LYSMD4: variants seen among roughly 807,000 people sequenced by gnomAD.
LYSMD4 encodes the protein lysM and putative peptidoglycan-binding domain-containing protein 4.
A neutral mutation model predicts 6.1 loss-of-function variants in LYSMD4; 9 were observed. That is an observed-to-expected ratio of 1.47 (90% CI 0.88 to 2.56). The LOEUF is 2.56. Among genes scored for constraint, LYSMD4 ranks in the 30% most tolerant of loss-of-function variants. The probability of loss-of-function intolerance (pLI) is 0.00; values close to 1 mark genes in which losing one functional copy is unlikely to be tolerated. For missense variants in LYSMD4, 384 were observed against 373.5 expected (o/e 1.03, Z -0.23); for synonymous variants, 143 against 148.5 (o/e 0.96, Z 0.27).
At chr15:99,724,162 C>T (rs2059259330), downstream of LYSMD4, among the ~76,000 whole-genome samples, 1 of 151,098 alleles carries the variant, frequency 6.6e-6, no homozygotes, top group African/African-American at 2.5e-5. Flanking sequence ...GAAATGTCAT[C>T]TCCTCCAGAT....
downstream of LYSMD4, among the ~76,000 whole-genome samples, chr15:99,726,206 C>T (rs969165673): frequency 3.5e-5 from 5 of 141,304 alleles, no homozygotes; most frequent in African/African-American, 7.7e-5. Context: ...GATCTCGGCC[C>T]GATCTCGGCT....
At position 99,729,706 on chromosome 15, in the gene LYSMD4, T is replaced by C. The variant is rs745424995; in HGVS notation, c.308A>G (p.Asn103Ser). Reference protein sequence around the residue: ...CKVADIKKVNNFIREQDLYAL... With the variant: ...CKVADIKKVNSFIREQDLYAL... ...ATATAAGTCTTGTTCTCTGATGAAG[T>C]TGTTGACTTTCTTGATATCTGCAAC... Residue 103 changes from asparagine (N) to serine (S), a missense_variant, in exon 3 of 3, where the codon AAC (asparagine) becomes AGC (serine). By Grantham distance (46) the Asn-to-Ser change is conservative (BLOSUM62 1). Transcript: ENST00000684762. The C allele has an allele frequency of 2.5e-6, 4 of 1,609,990 alleles. No homozygotes were observed. The highest frequency in any genetic ancestry group is 4.5e-5 in the East Asian group (2 of 44,856).
At chr15:99,729,813 C>G in intron 2 of LYSMD4, 82 bp from the exon 3 acceptor site, 1 of 1,466,400 alleles carries the variant, frequency 6.8e-7, no homozygotes, top group Non-Finnish European at 9.0e-7. Context: ...CTTAATCTTT[C>G]TGGGTGATGA....
At chr15:99,729,876 A>C (rs1470923) in intron 2 of LYSMD4, 145 bp from the exon 3 acceptor site, 34,858 of 1,067,732 alleles carry the variant, frequency 0.033, 647 homozygotes, top group Middle Eastern at 0.083. Context: ...CTGCAGCTGT[A>C]CACAAAGTTA....
chr15:99,720,624 C>T (rs2059230696), upstream of LYSMD4, among the ~76,000 whole-genome samples: 1 of 152,240 alleles, frequency 6.6e-6, no homozygotes, highest in Non-Finnish European at 1.5e-5. Context: ...GCAGCTGCAG[C>T]TTCCTGGCAT....
At chr15:99,732,601 A>C (rs2059445577) in intron 1 of LYSMD4, among the ~76,000 whole-genome samples, 1 of 152,192 alleles carries the variant, frequency 6.6e-6, no homozygotes, top group South Asian at 2.1e-4. Flanking sequence ...CTCACGGGTC[A>C]CTTTGCATTC....
intron 1 of LYSMD4, 170 bp downstream of exon 1, chr15:99,733,175 G>A: frequency 5.4e-6 from 2 of 373,762 alleles, no homozygotes; most frequent in South Asian, 1.5e-4. Context: ...GCCACCTGGG[G>A]CCAGCCCACG....
chr15:99,720,120 G>A (rs369766533), upstream of LYSMD4, among the ~76,000 whole-genome samples: 6 of 152,118 alleles, frequency 3.9e-5, no homozygotes, highest in Admixed American at 2.0e-4. Context: ...CTTTAGTCAC[G>A]CAAAATTTTA....
downstream of LYSMD4, among the ~76,000 whole-genome samples, chr15:99,727,044 C>A (rs1227860882): frequency 6.6e-6 from 1 of 152,110 alleles, no homozygotes; most frequent in Non-Finnish European, 1.5e-5. Flanking sequence ...CCAGCAGCAT[C>A]CCACATCTTT....
rs751992671 is a variant in LYSMD4 at position 99,729,330 on chromosome 15, A to C, written c.684T>G (p.Ile228Met). The change falls in exon 3 of 3, where the codon ATT becomes ATG. Residue 228 changes from isoleucine (I) to methionine (M), a missense_variant. Transcript: ENST00000684762. Reference protein sequence around the residue: ...WWNAVFIMLLIGIVLPVFYLV... With the variant: ...WWNAVFIMLLMGIVLPVFYLV... ...AATAAAAGACAGGCAAGACAATACC[A>C]ATCAGCAGCATGATGAAAACAGCAT... 6.2e-7 allele frequency: 1 copy of C among 1,614,230 alleles called. No individual in the cohort carries two copies. The highest frequency in any genetic ancestry group is 1.7e-5 in the Admixed American group (1 of 60,032).
exon 1 of LYSMD4, chr15:99,716,822 C>G (rs1187567968): frequency 4.2e-5 from 16 of 383,156 alleles, no homozygotes; most frequent in South Asian, 2.9e-4. Flanking sequence ...CTGCTTCTCA[C>G]AGGAAATACG....
At chr15:99,718,881 C>A (rs939187773), upstream of LYSMD4, among the ~76,000 whole-genome samples, 2 of 151,074 alleles carry the variant, frequency 1.3e-5, no homozygotes, top group African/African-American at 4.9e-5. Flanking sequence ...TTTCTGCAGA[C>A]ACAACAAGGA....
downstream of LYSMD4, among the ~76,000 whole-genome samples, chr15:99,726,422 G>A (rs1370045675): frequency 6.6e-6 from 1 of 152,042 alleles, no homozygotes; most frequent in East Asian, 1.9e-4. Context: ...GGGACTACAG[G>A]CATGAGCCAC....
rs2059379978 is a variant in LYSMD4 at position 99,730,551 on chromosome 15, C to G, written c.283-820G>C. On this transcript the variant is annotated intron_variant, in intron 2 of 2. Coordinates refer to ENST00000684762, the MANE Select transcript of LYSMD4 (RefSeq NM_001284417.2). ...GTCCACTTAAACTAGAAAGTGAATA[C>G]AGCCAACAGATCTCAATCAAATCAA... Among the ~76,000 whole-genome samples the G allele has an allele frequency of 2.6e-5, 4 of 152,352 alleles. No individual in the cohort carries two copies. The South Asian group carries it at 8.3e-4, about 32-fold the overall frequency.
chr15:99,722,659 A>G (rs925189006), downstream of LYSMD4, among the ~76,000 whole-genome samples: 3 of 152,248 alleles, frequency 2.0e-5, no homozygotes, highest in Non-Finnish European at 4.4e-5. Flanking sequence ...TCCATGTGTC[A>G]GAATATACAA....
chr15:99,727,151 G>A (rs2059291391), downstream of LYSMD4, among the ~76,000 whole-genome samples: 1 of 152,234 alleles, frequency 6.6e-6, no homozygotes, highest in African/African-American at 2.4e-5. Context: ...GAGGTGGGCA[G>A]ATTATCTGAG....
chr15:99,728,795 A>C lies in LYSMD4; in HGVS notation c.*328T>G. On this transcript the variant is annotated 3_prime_UTR_variant, in exon 3 of 3. Transcript: ENST00000684762. ...CGCTGCAGGTCCCTCGACAGAGGCCATAAATCTTTCCCTCCGAGCACGTCC... is the reference window on the plus strand; with the variant it reads ...CGCTGCAGGTCCCTCGACAGAGGCCCTAAATCTTTCCCTCCGAGCACGTCC... The C allele has an allele frequency of 3.0e-6, 1 of 329,450 alleles. No individual in the cohort carries two copies. The highest frequency in any genetic ancestry group is 2.1e-5 in the African/African-American group (1 of 48,298). The allele number at this position is 329,450 out of a possible 1,614,324, so 20.4% of individuals were successfully genotyped here.
intron 2 of LYSMD4, chr15:99,731,314 A>G (rs781577381): frequency 8.7e-6 from 14 of 1,601,010 alleles, no homozygotes; most frequent in Non-Finnish European, 1.0e-5. Flanking sequence ...GCTACCACCA[A>G]GAAAGGTTCA....
downstream of LYSMD4, among the ~76,000 whole-genome samples, chr15:99,724,883 C>T (rs1371706685): frequency 1.3e-5 from 2 of 152,202 alleles, no homozygotes; most frequent in Non-Finnish European, 2.9e-5. Context: ...TGCACTTCAT[C>T]ACCACACTGG....
Sources: allele counts gnomAD v4.1 joint callset (sites outside exome capture counted in the v4.1 genomes callset), GRCh38; gene constraint gnomAD v4.1.1; transcripts MANE v1.5; gene names NCBI Gene and HGNC (gene_info 2026-07-23, HGNC 2026-07-21).